FBXW7: variants seen among roughly 807,000 people sequenced by gnomAD.
The protein encoded by FBXW7 is F-box/WD repeat-containing protein 7.
Under a neutral mutation model 86.3 loss-of-function variants are expected in FBXW7, and 11 were observed. The observed-to-expected ratio is 0.13, with a 90% CI of 0.08 to 0.21. FBXW7 has a LOEUF of 0.21. Among genes scored for constraint, FBXW7 ranks in the 10% least tolerant of loss-of-function variants. The probability of loss-of-function intolerance (pLI) is 1.00; values close to 1 mark genes in which losing one functional copy is unlikely to be tolerated. For missense variants in FBXW7, 488 were observed against 847.4 expected (o/e 0.58, Z 5.27); for synonymous variants, 313 against 297.9 (o/e 1.05, Z -0.52).
intron 2 of FBXW7, among the ~76,000 whole-genome samples, chr4:152,481,429 T>C (rs1744866494): frequency 6.6e-6 from 1 of 152,234 alleles, no homozygotes; most frequent in South Asian, 2.1e-4. Flanking sequence ...GTTGTTTTCA[T>C]GCCTGCTACC....
At chr4:152,528,816 C>G (rs1270545698) in intron 2 of FBXW7, among the ~76,000 whole-genome samples, 1 of 152,096 alleles carries the variant, frequency 6.6e-6, no homozygotes, top group African/African-American at 2.4e-5. Flanking sequence ...AGACATAAAA[C>G]AGGATATTAA....
At chr4:152,360,544 T>C (rs1159383832) in intron 4 of FBXW7, among the ~76,000 whole-genome samples, 3 of 152,090 alleles carry the variant, frequency 2.0e-5, no homozygotes, top group East Asian at 1.9e-4. Flanking sequence ...AAAATTTTCA[T>C]CTTGTTCTAC....
At chr4:152,383,722 G>A (rs573722062) in intron 4 of FBXW7, among the ~76,000 whole-genome samples, 1 of 152,188 alleles carries the variant, frequency 6.6e-6, no homozygotes, top group East Asian at 1.9e-4. Flanking sequence ...TTTTGACTTT[G>A]GAAAGATTAG....
At position 152,346,983 on chromosome 4, in the gene FBXW7, T is replaced by C. The variant is rs1397908027; in HGVS notation, c.673A>G (p.Ile225Val). 1.2e-6 allele frequency: 2 copies of C among 1,613,756 alleles called. No individual in the cohort carries two copies. Among genetic ancestry groups the C allele is most frequent in the Non-Finnish European group, 1.7e-6 (2 of 1,179,888 alleles). Residue 225 changes from isoleucine to valine, a missense_variant, in exon 6 of 14, where the codon ATT (isoleucine) becomes GTT (valine). Physicochemically the swap from Ile to Val is conservative, Grantham distance 29. Coordinates refer to ENST00000281708, the MANE Select transcript of FBXW7 (RefSeq NM_001349798.2). ...ANGQGQQRRR[I>V]TSVQPPTGLQ... ...CCTGTAGGTGGCTGGACAGATGTAA[T>C]TCGGCGTCGTTGTTGCCCTTGGCCA...
chr4:152,360,000 A>G (rs1732778968), intron 4 of FBXW7, among the ~76,000 whole-genome samples: 1 of 152,216 alleles, frequency 6.6e-6, no homozygotes, highest in South Asian at 2.1e-4. Flanking sequence ...AAATACGACT[A>G]TTATTAACTT....
At chr4:152,529,960 G>A (rs549396414) in intron 2 of FBXW7, among the ~76,000 whole-genome samples, 23 of 151,612 alleles carry the variant, frequency 1.5e-4, no homozygotes, top group African/African-American at 5.3e-4. Context: ...AGAGGCTGAG[G>A]TAGGAGGATG....
At chr4:152,532,524 C>T (rs748427827) in intron 2 of FBXW7, among the ~76,000 whole-genome samples, 1 of 152,200 alleles carries the variant, frequency 6.6e-6, no homozygotes, top group African/African-American at 2.4e-5. Flanking sequence ...CCCTTCAAAC[C>T]AGCTTCGTAA....
chr4:152,494,314 A>G (rs1269954830), intron 2 of FBXW7, among the ~76,000 whole-genome samples: 1 of 152,228 alleles, frequency 6.6e-6, no homozygotes, highest in African/African-American at 2.4e-5. Context: ...AAGTAACAGG[A>G]AAAGTTTTCT....
intron 4 of FBXW7, among the ~76,000 whole-genome samples, chr4:152,395,232 T>C (rs1382590435): frequency 6.6e-6 from 1 of 152,068 alleles, no homozygotes; most frequent in Non-Finnish European, 1.5e-5. Flanking sequence ...TAAGTAGCTC[T>C]TGAGAGTAAC....
chr4:152,406,428 ATAATAG>A (rs1309390646), intron 4 of FBXW7, among the ~76,000 whole-genome samples: 1 of 152,200 alleles, frequency 6.6e-6, no homozygotes, highest in Non-Finnish European at 1.5e-5. Context: ...TAAATAATTA[ATAATAG>A]TAACTGTCAT....
chr4:152,400,798 G>A (rs1255578247), intron 4 of FBXW7, among the ~76,000 whole-genome samples: 1 of 152,184 alleles, frequency 6.6e-6, no homozygotes, highest in Non-Finnish European at 1.5e-5. Flanking sequence ...CTGGAAGAAA[G>A]TATTTGCAAA....
intron 2 of FBXW7, among the ~76,000 whole-genome samples, chr4:152,472,356 C>T (rs1457736613): frequency 6.6e-6 from 1 of 152,118 alleles, no homozygotes; most frequent in Non-Finnish European, 1.5e-5. Flanking sequence ...ATTATCACAG[C>T]AGCACTATTT....
At chr4:152,433,517 GT>G (rs1242438011) in intron 2 of FBXW7, among the ~76,000 whole-genome samples, 2 of 152,126 alleles carry the variant, frequency 1.3e-5, no homozygotes, top group African/African-American at 4.8e-5. Context: ...TTAGTCAACT[GT>G]TTTTTCCACC....
At position 152,434,136 on chromosome 4, in the gene FBXW7, T is replaced by C. The variant is rs376717330; in HGVS notation, c.-119-21607A>G. On this transcript the variant is annotated intron_variant, in intron 2 of 13. Coordinates refer to ENST00000281708, the MANE Select transcript of FBXW7 (RefSeq NM_001349798.2). ...GGACTAGTATACCTAGATTTTGGTG[T>C]GAGGGTCCTGGAACCAATCCCCTGC... Among the ~76,000 whole-genome samples, 48 of 152,320 alleles carry C rather than the reference T, an allele frequency of 3.2e-4. 1 individual carries two copies. Among genetic ancestry groups the C allele is most frequent in the African/African-American group, 1.1e-3 (47 of 41,574 alleles).
chr4:152,410,900 T>G (rs1056036775), intron 4 of FBXW7, among the ~76,000 whole-genome samples: 1 of 152,112 alleles, frequency 6.6e-6, no homozygotes, highest in African/African-American at 2.4e-5. Context: ...TGCCTTAGAG[T>G]GACACTTGTG....
chr4:152,384,551 GCA>G (rs2126788282), intron 4 of FBXW7, among the ~76,000 whole-genome samples: 1 of 152,126 alleles, frequency 6.6e-6, no homozygotes, highest in East Asian at 1.9e-4. Flanking sequence ...TGTTTAGTTG[GCA>G]CAGAGTTTCA....
intron 13 of FBXW7, 181 bp from the exon 14 acceptor site, chr4:152,323,330 A>G (rs747889549): frequency 2.8e-6 from 2 of 725,568 alleles, no homozygotes; most frequent in Non-Finnish European, 4.4e-6. Context: ...AAAATCTGGT[A>G]GTGATTTGTA....
intron 6 of FBXW7, among the ~76,000 whole-genome samples, chr4:152,343,765 T>C (rs1234784785): frequency 6.6e-6 from 1 of 152,078 alleles, no homozygotes; most frequent in Non-Finnish European, 1.5e-5. Flanking sequence ...AGCATCAATC[T>C]GACTGCCATA....
intron 2 of FBXW7, among the ~76,000 whole-genome samples, chr4:152,502,682 A>C (rs1747068028): frequency 6.6e-6 from 1 of 152,198 alleles, no homozygotes. Flanking sequence ...GAGATACAGA[A>C]GCTAATGCTA....
Sources: gnomAD v4.1 joint callset for allele counts (sites outside exome capture counted in the v4.1 genomes callset) on GRCh38, gnomAD v4.1.1 for gene constraint, MANE v1.5 for transcripts, NCBI Gene and HGNC (gene_info 2026-07-23, HGNC 2026-07-21) for gene names.